Variants in IPO11 observed in about 807,000 individuals in gnomAD.
IPO11 encodes importin 11, also known as importin-11.
Under a neutral mutation model 143.2 loss-of-function variants are expected in IPO11, and 66 were observed. The observed-to-expected ratio is 0.46, with a 90% confidence interval of 0.38 to 0.57. IPO11 has a LOEUF of 0.57. Ranked by LOEUF, IPO11 falls within the 20% of genes least tolerant of loss-of-function variation. IPO11 has a pLI of 0.00. For missense variants in IPO11, 1,026 were observed against 1,141.0 expected (o/e 0.90, Z 1.45); for synonymous variants, 385 against 377.8 (o/e 1.02, Z -0.22).
intron 24 of IPO11, among the ~76,000 whole-genome samples, chr5:62,537,554 A>G (rs1236926224): frequency 6.6e-6 from 1 of 152,122 alleles, no homozygotes; most frequent in African/African-American, 2.4e-5. Flanking sequence ...ACTGATTGGG[A>G]TGTTGCCTAT....
In IPO11 at chr5:62,452,018, G is replaced by A. The variant is rs965856666; in HGVS notation, c.516+85G>A. On this transcript the variant is annotated intron_variant, in intron 5 of 29. Transcript: ENST00000325324. Reference sequence around the variant, plus strand: ...TTATGCCTGTAATCTCAGCACTTTGGGAGGCCGAGGCGGGTGGATCACGAG... The same window carrying A: ...TTATGCCTGTAATCTCAGCACTTTGAGAGGCCGAGGCGGGTGGATCACGAG... 3.8e-6 allele frequency: 4 copies of A among 1,045,428 alleles called. No individual in the cohort carries two copies. In the African/African-American group the frequency reaches 6.3e-5, roughly 16 times the overall value. The allele number at this position is 1,045,428 out of a possible 1,614,324, so 64.8% of individuals were successfully genotyped here. A position where few individuals can be genotyped will look rare whatever the true frequency, so the allele number is the denominator to read the frequency against.
chr5:62,504,613 A>G, intron 16 of IPO11, 54 bp from the exon 17 acceptor site: 1 of 1,069,520 alleles, frequency 9.3e-7, no homozygotes, highest in Non-Finnish European at 1.4e-6. Flanking sequence ...TTTGATATTA[A>G]TGATGTTTAG....
intron 27 of IPO11, among the ~76,000 whole-genome samples, chr5:62,584,555 G>A (rs868366632): frequency 6.9e-6 from 1 of 144,144 alleles, no homozygotes; most frequent in African/African-American, 2.6e-5. Flanking sequence ...GGAGGTTGCT[G>A]TGAGCTGTGA....
Position 62,467,217 on chromosome 5 carries a change from A to T in IPO11, c.603A>T (p.Glu201Asp). The change falls in exon 6 of 30, where the codon GAA becomes GAT. Residue 201 changes from glutamate (E) to aspartate (D), a missense_variant. Glu to Asp is a conservative substitution (Grantham distance 45). Coordinates refer to ENST00000325324, the MANE Select transcript of IPO11 (RefSeq NM_016338.5). ...TFLQEVSSGN[E>D]AAILSSLERT... ...TGCAAGAAGTTTCTTCTGGCAATGAAGCTGCAATTTTGAGTTCACTAGAAC... is the reference window on the plus strand; with the variant it reads ...TGCAAGAAGTTTCTTCTGGCAATGATGCTGCAATTTTGAGTTCACTAGAAC... 1 of 1,614,056 alleles carries T rather than the reference A, an allele frequency of 6.2e-7. No individual in the cohort carries two copies. The highest frequency in any genetic ancestry group is 8.5e-7 in the Non-Finnish European group (1 of 1,179,948).
At chr5:62,467,342 T>G in intron 6 of IPO11, 79 bp downstream of exon 6, 2 of 1,411,652 alleles carry the variant, frequency 1.4e-6, no homozygotes, top group Non-Finnish European at 1.9e-6. Context: ...TAGACGGGTT[T>G]TCTGTTCCCA....
chr5:62,440,112 G>GT (rs1376064953), intron 2 of IPO11, among the ~76,000 whole-genome samples: 1 of 152,136 alleles, frequency 6.6e-6, no homozygotes, highest in Non-Finnish European at 1.5e-5. Context: ...GATTCTAGGC[G>GT]TAAGACAAGA....
intron 29 of IPO11, among the ~76,000 whole-genome samples, chr5:62,612,514 G>A (rs1269958647): frequency 6.6e-6 from 1 of 152,122 alleles, no homozygotes; most frequent in African/African-American, 2.4e-5. Flanking sequence ...AAATAGATAC[G>A]AGAATCCGGC....
At chr5:62,550,928 G>T (rs752623933) in intron 25 of IPO11, among the ~76,000 whole-genome samples, 13 of 148,972 alleles carry the variant, frequency 8.7e-5, no homozygotes, top group Non-Finnish European at 1.9e-4. Context: ...CTGCACTCCA[G>T]CCTGGGTGAC....
intron 29 of IPO11, among the ~76,000 whole-genome samples, chr5:62,623,746 C>A (rs1746457751): frequency 6.7e-6 from 1 of 149,612 alleles, no homozygotes; most frequent in South Asian, 2.1e-4. Flanking sequence ...TCCCGAGTAG[C>A]TGAGTTTACA....
intron 26 of IPO11, among the ~76,000 whole-genome samples, chr5:62,553,752 C>CT (rs1426625266): frequency 2.6e-5 from 4 of 151,568 alleles, no homozygotes; most frequent in East Asian, 1.9e-4. Context: ...TGATGTTGAC[C>CT]TTTTTTTTGT....
chr5:62,473,717 G>A (rs1472247764), intron 7 of IPO11, among the ~76,000 whole-genome samples: 1 of 151,984 alleles, frequency 6.6e-6, no homozygotes, highest in African/African-American at 2.4e-5. Context: ...ATACAAAGAT[G>A]TCTTCTATGC....
In IPO11 at chr5:62,504,929, T is replaced by C. The variant is rs564138183; in HGVS notation, c.1665+31T>C. 4 of 1,296,938 alleles carry C rather than the reference T, an allele frequency of 3.1e-6. No homozygotes were observed. In the East Asian group the frequency reaches 9.6e-5, roughly 31 times the overall value. The allele number at this position is 1,296,938 out of a possible 1,614,324, so 80.3% of individuals were successfully genotyped here. ...AATATACATTTCCAGGTATTTTTTT[T>C]AAAAAACAATTTCTGCTTATGTCTT... On this transcript the variant is annotated intron_variant, in intron 18 of 29. Coordinates refer to ENST00000325324, the MANE Select transcript of IPO11 (RefSeq NM_016338.5).
At chr5:62,492,908 GAA>G (rs201073108) in intron 15 of IPO11, among the ~76,000 whole-genome samples, 1 of 147,274 alleles carries the variant, frequency 6.8e-6, no homozygotes, top group African/African-American at 2.5e-5. Flanking sequence ...AATTTTTTGG[GAA>G]AAAAAAAAGT....
intron 22 of IPO11, among the ~76,000 whole-genome samples, chr5:62,533,481 G>A (rs1313398946): frequency 6.6e-6 from 1 of 151,884 alleles, no homozygotes; most frequent in African/African-American, 2.4e-5. Context: ...CAAAGTGCTG[G>A]GATTACAGGC....
intron 25 of IPO11, among the ~76,000 whole-genome samples, chr5:62,550,756 G>A (rs776935200): frequency 1.3e-5 from 2 of 151,902 alleles, no homozygotes; most frequent in Admixed American, 6.6e-5. Context: ...ATATGAGGGG[G>A]ACAAAATAGT....
At chr5:62,509,434 A>G (rs1741672512) in intron 19 of IPO11, among the ~76,000 whole-genome samples, 2 of 152,216 alleles carry the variant, frequency 1.3e-5, no homozygotes, top group African/African-American at 4.8e-5. Flanking sequence ...AGCTTTCCCT[A>G]TATATGAGTT....
At chr5:62,555,236 A>C (rs948014289) in intron 26 of IPO11, among the ~76,000 whole-genome samples, 2 of 150,538 alleles carry the variant, frequency 1.3e-5, no homozygotes, top group South Asian at 2.1e-4. Context: ...CAATTCACGA[A>C]CATGGTGTGT....
At chr5:62,511,690 T>G (rs1741752045) in intron 19 of IPO11, among the ~76,000 whole-genome samples, 1 of 152,202 alleles carries the variant, frequency 6.6e-6, no homozygotes, top group South Asian at 2.1e-4. Flanking sequence ...AATCCAGATA[T>G]TCAAGTAGAT....
chr5:62,616,255 T>G (rs1580392630), intron 29 of IPO11, among the ~76,000 whole-genome samples: 1 of 152,056 alleles, frequency 6.6e-6, no homozygotes, highest in South Asian at 2.1e-4. Context: ...ATGGGCAGGG[T>G]GGGCAGGAGG....
Sources: allele counts gnomAD v4.1 joint callset (sites outside exome capture counted in the v4.1 genomes callset), GRCh38; gene constraint gnomAD v4.1.1; transcripts MANE v1.5; gene names NCBI Gene and HGNC (gene_info 2026-07-23, HGNC 2026-07-21).